ARHGEF38: variants seen among roughly 807,000 people sequenced by gnomAD.
ARHGEF38 encodes the protein Rho guanine nucleotide exchange factor 38.
A neutral mutation model predicts 79.9 loss-of-function variants in ARHGEF38; 79 were observed. That is an observed-to-expected ratio of 0.99 (90% CI 0.82 to 1.19). The LOEUF is 1.19. Ranked by LOEUF, ARHGEF38 falls within the 50% of genes most tolerant of loss-of-function variation. The pLI, the probability that ARHGEF38 is intolerant of heterozygous loss-of-function variation, is 0.00. For missense variants in ARHGEF38, 962 were observed against 907.2 expected (o/e 1.06, Z -0.78); for synonymous variants, 366 against 328.3 (o/e 1.11, Z -1.24).
Position 105,645,219 on chromosome 4 carries a change from T to C in ARHGEF38, c.706T>C (p.Leu236=). ...ACCAAACTTATTGGACATGGGCTCTTTGATGATCAAACCAATTCAACGTGT... is the reference window on the plus strand; with the variant it reads ...ACCAAACTTATTGGACATGGGCTCTCTGATGATCAAACCAATTCAACGTGT... The part of the protein sequence containing the change: ...GKPNLLDMGS[L]MIKPIQRVMK... Residue 236 remains leucine (L), a synonymous_variant, in exon 6 of 14, where the codon TTG becomes CTG. Transcript: ENST00000420470. 6.5e-7 allele frequency: 1 copy of C among 1,531,234 alleles called. No homozygotes were observed. The highest frequency in any genetic ancestry group is 8.7e-7 in the Non-Finnish European group (1 of 1,144,846). 94.9% of individuals were successfully genotyped at this position (1,531,234 alleles called of 1,614,324 possible).
chr4:105,586,746 C>T (rs1283352175), intron 1 of ARHGEF38, among the ~76,000 whole-genome samples: 1 of 152,110 alleles, frequency 6.6e-6, no homozygotes, highest in Non-Finnish European at 1.5e-5. Flanking sequence ...AGCAGTTTTT[C>T]ATCAGCATCA....
chr4:105,669,125 G>A (rs887307736), intron 13 of ARHGEF38, among the ~76,000 whole-genome samples: 1 of 152,030 alleles, frequency 6.6e-6, no homozygotes, highest in East Asian at 1.9e-4. Context: ...GACAATGCTT[G>A]GGTATATCCT....
At chr4:105,650,068 A>G (rs1477450078) in intron 7 of ARHGEF38, among the ~76,000 whole-genome samples, 1 of 152,198 alleles carries the variant, frequency 6.6e-6, no homozygotes, top group Admixed American at 6.5e-5. Context: ...TAAGCACTCA[A>G]TATACTTTAG....
chr4:105,554,952 T>C (rs1250931689), intron 1 of ARHGEF38, among the ~76,000 whole-genome samples: 1 of 151,756 alleles, frequency 6.6e-6, no homozygotes, highest in African/African-American at 2.4e-5. Context: ...ATGTTTTTTC[T>C]GTCTGAGTTT....
intron 13 of ARHGEF38, among the ~76,000 whole-genome samples, chr4:105,675,039 A>G (rs955580469): frequency 2.6e-5 from 4 of 152,192 alleles, no homozygotes; most frequent in African/African-American, 9.6e-5. Flanking sequence ...ATTCCCGAAT[A>G]CTTTTGCAAA....
At chr4:105,581,083 C>G (rs894477392) in intron 1 of ARHGEF38, among the ~76,000 whole-genome samples, 1 of 152,178 alleles carries the variant, frequency 6.6e-6, no homozygotes, top group African/African-American at 2.4e-5. Flanking sequence ...TAACTCACCC[C>G]ACCTGCAGGA....
intron 2 of ARHGEF38, among the ~76,000 whole-genome samples, chr4:105,593,257 C>T (rs1727422630): frequency 1.3e-5 from 2 of 152,054 alleles, no homozygotes; most frequent in Non-Finnish European, 2.9e-5. Context: ...AAAAACACGC[C>T]CAGTTGCAGT....
At chr4:105,672,599 C>T (rs1456154284) in intron 13 of ARHGEF38, among the ~76,000 whole-genome samples, 1 of 152,180 alleles carries the variant, frequency 6.6e-6, no homozygotes, top group Non-Finnish European at 1.5e-5. Context: ...GTGTTCCATG[C>T]TGCATAACAA....
intron 3 of ARHGEF38, among the ~76,000 whole-genome samples, chr4:105,629,058 A>T (rs549738876): frequency 2.3e-4 from 35 of 152,144 alleles, no homozygotes; most frequent in South Asian, 1.9e-3. Context: ...AATTTATTTT[A>T]AAAAAAATCA....
At chr4:105,574,790 T>C (rs1187603857) in intron 1 of ARHGEF38, among the ~76,000 whole-genome samples, 1 of 152,142 alleles carries the variant, frequency 6.6e-6, no homozygotes, top group Non-Finnish European at 1.5e-5. Flanking sequence ...GATTATATAG[T>C]AGTGAATTCT....
chr4:105,630,822 A>T, intron 3 of ARHGEF38, 76 bp from the exon 4 acceptor site: 1 of 1,349,100 alleles, frequency 7.4e-7, no homozygotes, highest in South Asian at 1.6e-5. Flanking sequence ...ACACGAGTCG[A>T]CATTGTTGAA....
At chr4:105,661,189 C>T (rs1168682230) in intron 10 of ARHGEF38, among the ~76,000 whole-genome samples, 4 of 152,178 alleles carry the variant, frequency 2.6e-5, no homozygotes, top group East Asian at 1.9e-4. Context: ...AATAACATTC[C>T]ATTGTATGAA....
At position 105,659,172 on chromosome 4, in the gene ARHGEF38, T is replaced by G. The variant is rs1261636165; in HGVS notation, c.1352T>G (p.Leu451Arg). ...AAACTGCTGGATTGCAACAGCTACC[T>G]GCAGCGATCAACGGGAGAGGAGTCA... The part of the protein sequence containing the change: ...YDKLLDCNSY[L>R]QRSTGEESDL... The change falls in exon 10 of 14, where the codon CTG (leucine) becomes CGG (arginine). Residue 451 changes from leucine to arginine, a missense_variant. Transcript: ENST00000420470. 3.3e-6 allele frequency: 5 copies of G among 1,536,176 alleles called. No individual in the cohort carries two copies. The highest frequency in any genetic ancestry group is 3.3e-4 in the Middle Eastern group (2 of 5,986).
At chr4:105,552,994 T>C (rs1725070680) in intron 1 of ARHGEF38, 33 bp downstream of exon 1, 1 of 1,536,914 alleles carries the variant, frequency 6.5e-7, no homozygotes. Context: ...TCCCAGTTAC[T>C]GCACTCCCAG....
chr4:105,682,485 C>A, downstream of ARHGEF38: 1 of 383,520 alleles, frequency 2.6e-6, no homozygotes, highest in South Asian at 4.8e-5. Flanking sequence ...CTGAAGATCT[C>A]ATTGAGAACC....
At chr4:105,640,761 A>T (rs1729585836) in intron 5 of ARHGEF38, among the ~76,000 whole-genome samples, 1 of 152,164 alleles carries the variant, frequency 6.6e-6, no homozygotes, top group Non-Finnish European at 1.5e-5. Context: ...TCGAATTCTA[A>T]ATTGGAAACC....
At chr4:105,599,714 A>G (rs1727743042) in intron 2 of ARHGEF38, among the ~76,000 whole-genome samples, 1 of 152,190 alleles carries the variant, frequency 6.6e-6, no homozygotes, top group Admixed American at 6.6e-5. Flanking sequence ...CTGGACTCCA[A>G]ACAATAACAC....
At chr4:105,576,666 T>TTC (rs1433442353) in intron 1 of ARHGEF38, among the ~76,000 whole-genome samples, 1 of 152,200 alleles carries the variant, frequency 6.6e-6, no homozygotes, top group African/African-American at 2.4e-5. Flanking sequence ...CCTTATTTTC[T>TTC]TCTCTTACCT....
chr4:105,590,252 C>T (rs1727275843), intron 2 of ARHGEF38, among the ~76,000 whole-genome samples: 1 of 151,946 alleles, frequency 6.6e-6, no homozygotes, highest in Admixed American at 6.6e-5. Context: ...GAGCAGAGAA[C>T]TGAAGGAGGT....
Sources: gnomAD v4.1 joint callset for allele counts (sites outside exome capture counted in the v4.1 genomes callset) on GRCh38, gnomAD v4.1.1 for gene constraint, MANE v1.5 for transcripts, NCBI Gene and HGNC (gene_info 2026-07-23, HGNC 2026-07-21) for gene names.